Variants in SPAG17 observed in about 807,000 individuals in gnomAD.
The protein encoded by SPAG17 is sperm associated antigen 17.
SPAG17 carries 169 observed loss-of-function variants against 273.6 expected under a neutral mutation model. The ratio of observed to expected loss-of-function variants is 0.62; its 90% CI spans 0.55 to 0.70. The LOEUF is 0.70. Ranked by LOEUF, SPAG17 falls within the 30% of genes least tolerant of loss-of-function variation. SPAG17 has a pLI of 0.00. For missense variants in SPAG17, 2,557 were observed against 2,627.8 expected (o/e 0.97, Z 0.59); for synonymous variants, 825 against 873.2 (o/e 0.94, Z 0.97).
chr1:118,012,504 C>A, intron 29 of SPAG17, 132 bp from the exon 30 acceptor site: 5 of 947,088 alleles, frequency 5.3e-6, no homozygotes, highest in Non-Finnish European at 6.2e-6. Flanking sequence ...AGTTTTATCT[C>A]ATCTACCTGA....
chr1:118,105,429 A>G (rs1454792780), intron 4 of SPAG17, among the ~76,000 whole-genome samples: 1 of 152,142 alleles, frequency 6.6e-6, no homozygotes, highest in East Asian at 1.9e-4. Context: ...AGGAATAGAA[A>G]TGAAAATGAT....
intron 18 of SPAG17, among the ~76,000 whole-genome samples, chr1:118,066,093 T>G (rs1329214570): frequency 1.3e-5 from 2 of 152,148 alleles, no homozygotes; most frequent in African/African-American, 4.8e-5. Context: ...ATACAGTATA[T>G]TCCCCCAATT....
At chr1:118,001,223 C>T (rs1260385797) in intron 32 of SPAG17, among the ~76,000 whole-genome samples, 5 of 152,156 alleles carry the variant, frequency 3.3e-5, no homozygotes, top group Non-Finnish European at 7.3e-5. Flanking sequence ...TTCAGTTTGC[C>T]AGTATTTTAT....
intron 6 of SPAG17, among the ~76,000 whole-genome samples, chr1:118,098,381 A>G (rs1187960643): frequency 3.3e-5 from 5 of 152,150 alleles, no homozygotes; most frequent in South Asian, 4.1e-4. Flanking sequence ...ATAATGACAG[A>G]TTTCCATAAA....
At chr1:118,069,685 T>C (rs1653377293) in intron 17 of SPAG17, among the ~76,000 whole-genome samples, 1 of 152,154 alleles carries the variant, frequency 6.6e-6, no homozygotes, top group Non-Finnish European at 1.5e-5. Flanking sequence ...GGCATCAGCA[T>C]TAGATAGTAT....
intron 1 of SPAG17, among the ~76,000 whole-genome samples, chr1:118,169,049 A>G (rs1469351572): frequency 6.6e-6 from 1 of 152,198 alleles, no homozygotes; most frequent in East Asian, 1.9e-4. Context: ...TAGAGCTGAA[A>G]CATGGTCAAT....
In SPAG17 at chr1:117,953,942, A is replaced by G. The variant is rs1163126638; in HGVS notation, c.*108T>C. 3 of 1,377,774 alleles carry G rather than the reference A, an allele frequency of 2.2e-6. No homozygotes were observed. The highest frequency in any genetic ancestry group is 4.7e-5 in the East Asian group (2 of 42,832). The allele number at this position is 1,377,774 out of a possible 1,614,324, so 85.3% of individuals were successfully genotyped here. A position where few individuals can be genotyped will look rare whatever the true frequency, so the allele number is the denominator to read the frequency against. On this transcript the variant is annotated 3_prime_UTR_variant, in exon 49 of 49. Transcript: ENST00000336338. Reference sequence around the variant, plus strand: ...TGGCAAATTTCTGGTCAGTTCTTCCAGTTTCAGTGTCCTGGGATGATGGAG... The same window carrying G: ...TGGCAAATTTCTGGTCAGTTCTTCCGGTTTCAGTGTCCTGGGATGATGGAG...
In SPAG17 at chr1:118,039,191, T is replaced by A. The variant is rs191855150; in HGVS notation, c.3319+101A>T. On this transcript the variant is annotated intron_variant, in intron 23 of 48. Transcript: ENST00000336338. The stretch of plus-strand genomic sequence containing the variant: ...AATAAGAGAGTGTACTGGTAGAAAC[T>A]TGAGAAAAAGAACATGCAATAAGCC... 4,433 of 1,304,154 alleles carry A rather than the reference T, an allele frequency of 3.4e-3. 11 individuals carry two copies. Among genetic ancestry groups the A allele is most frequent in the Non-Finnish European group, 4.4e-3 (4,148 of 942,282 alleles). The allele number at this position is 1,304,154 out of a possible 1,614,324, so 80.8% of individuals were successfully genotyped here.
chr1:118,065,735 T>C (rs1652891117), intron 18 of SPAG17, among the ~76,000 whole-genome samples: 1 of 152,134 alleles, frequency 6.6e-6, no homozygotes, highest in African/African-American at 2.4e-5. Context: ...AAAAATCATT[T>C]AATTGATATG....
intron 3 of SPAG17, among the ~76,000 whole-genome samples, chr1:118,135,285 T>C (rs1658275954): frequency 6.6e-6 from 1 of 151,936 alleles, no homozygotes; most frequent in Non-Finnish European, 1.5e-5. Flanking sequence ...TCTGGTGTCA[T>C]GGGAAGTGCT....
chr1:118,170,037 C>G (rs976445303), intron 1 of SPAG17, among the ~76,000 whole-genome samples: 10 of 152,154 alleles, frequency 6.6e-5, no homozygotes, highest in Admixed American at 3.9e-4. Flanking sequence ...CATAGTTCTT[C>G]TCAGGACACA....
intron 1 of SPAG17, among the ~76,000 whole-genome samples, chr1:118,152,559 C>T (rs1308174695): frequency 6.6e-6 from 1 of 152,092 alleles, no homozygotes; most frequent in Non-Finnish European, 1.5e-5. Flanking sequence ...CTACTAACTA[C>T]CTAACAAGAC....
intron 18 of SPAG17, among the ~76,000 whole-genome samples, chr1:118,060,312 T>C (rs920095976): frequency 6.6e-6 from 1 of 152,140 alleles, no homozygotes; most frequent in Non-Finnish European, 1.5e-5. Flanking sequence ...AAGTTTTTTT[T>C]TTCTTTTTCC....
chr1:118,148,019 C>T (rs1659132913), intron 3 of SPAG17, among the ~76,000 whole-genome samples: 1 of 152,152 alleles, frequency 6.6e-6, no homozygotes, highest in Non-Finnish European at 1.5e-5. Flanking sequence ...GAAGTAAATA[C>T]AGGTGTTTAA....
At chr1:118,019,585 T>C (rs1660309666) in intron 28 of SPAG17, among the ~76,000 whole-genome samples, 1 of 152,164 alleles carries the variant, frequency 6.6e-6, no homozygotes, top group Non-Finnish European at 1.5e-5. Flanking sequence ...TTGAGAAATC[T>C]CTAGAATCAA....
rs1654611605 is a variant in SPAG17 at position 117,971,975 on chromosome 1, A to G, written c.6214T>C (p.Ser2072Pro). The G allele has an allele frequency of 6.2e-7, 1 of 1,614,156 alleles. No homozygotes were observed. The highest frequency in any genetic ancestry group is 2.2e-5 in the East Asian group (1 of 44,882). ...ASAAINNAKS[S>P]LFGFHLLPSS... The stretch of plus-strand genomic sequence containing the variant: ...GGGAGAAGATGGAACCCAAAAAGGG[A>G]TGACTTTGCATTATTAATGGCAGCA... Residue 2072 changes from serine (S) to proline (P), a missense_variant, in exon 45 of 49, where the codon TCC becomes CCC. Physicochemically the swap from Ser to Pro is moderately conservative, Grantham distance 74. Coordinates refer to ENST00000336338, the MANE Select transcript of SPAG17 (RefSeq NM_206996.4).
chr1:118,148,301 C>T (rs749722018), intron 3 of SPAG17, among the ~76,000 whole-genome samples: 1 of 152,156 alleles, frequency 6.6e-6, no homozygotes, highest in Non-Finnish European at 1.5e-5. Flanking sequence ...TGTTACAGCT[C>T]TTAAAGTTGG....
At chr1:117,988,235 C>T in intron 38 of SPAG17, 31 bp from the exon 39 acceptor site, 1 of 1,505,804 alleles carries the variant, frequency 6.6e-7, no homozygotes, top group Middle Eastern at 1.8e-4. Flanking sequence ...AACTTTTATC[C>T]CCACTTCTTT....
intron 4 of SPAG17, 53 bp from the exon 5 acceptor site, chr1:118,101,979 C>T (rs1656100132): frequency 1.4e-6 from 2 of 1,424,400 alleles, no homozygotes; most frequent in Non-Finnish European, 9.7e-7. Context: ...CAAGCAATGG[C>T]TTTTCTACTG....
Sources: gnomAD v4.1 joint callset for allele counts (sites outside exome capture counted in the v4.1 genomes callset) on GRCh38, gnomAD v4.1.1 for gene constraint, MANE v1.5 for transcripts, NCBI Gene and HGNC (gene_info 2026-07-23, HGNC 2026-07-21) for gene names.